Variants in KCNC2 observed in about 807,000 individuals in gnomAD.
KCNC2 encodes the protein potassium voltage-gated channel subfamily C member 2.
A neutral mutation model predicts 44.5 loss-of-function variants in KCNC2; 21 were observed. That is an observed-to-expected ratio of 0.47 (90% CI 0.33 to 0.68). The LOEUF (loss-of-function observed/expected upper bound fraction) is 0.68, where lower values mean the gene tolerates loss of function less well. KCNC2 is among the 30% of genes least tolerant of loss of function. The pLI, the probability that KCNC2 is intolerant of heterozygous loss-of-function variation, is 0.01. For synonymous variants in KCNC2, 391 were observed against 339.1 expected, an observed-to-expected ratio of 1.15 and a Z score of -1.68; for missense variants, 589 against 826.2, an observed-to-expected ratio of 0.71 and a Z score of 3.52.
intron 2 of KCNC2, among the ~76,000 whole-genome samples, chr12:75,104,582 C>G (rs148183449): frequency 6.6e-6 from 1 of 152,086 alleles, no homozygotes; most frequent in Non-Finnish European, 1.5e-5. Flanking sequence ...TACTTTAATT[C>G]TGAGCATGGT....
intron 2 of KCNC2, among the ~76,000 whole-genome samples, chr12:75,145,231 CA>C: frequency 6.6e-6 from 1 of 151,960 alleles, no homozygotes; most frequent in Non-Finnish European, 1.5e-5. Flanking sequence ...AAAAGTACCT[CA>C]AACAATTAAT....
intron 2 of KCNC2, among the ~76,000 whole-genome samples, chr12:75,059,850 T>G (rs1882131242): frequency 6.6e-6 from 1 of 152,120 alleles, no homozygotes; most frequent in South Asian, 2.1e-4. Context: ...TCTACAATAA[T>G]CATAAATATC....
At position 75,207,564 on chromosome 12, in the gene KCNC2, G is replaced by A. The variant is rs780319327; in HGVS notation, c.420C>T (p.Phe140=). ...CCACGTCGGTCTCGTCGATGCCCCA[G>A]AAGGCCAGCTCCTCCTCGAAGAGCG... ...CGPLFEEELA[F]WGIDETDVEP... Residue 140 remains phenylalanine, a synonymous_variant, in exon 2 of 5, where the codon TTC becomes TTT. Transcript: ENST00000549446. This position sits in a 1 kb window ranked among gnomAD's most constrained non-coding sequence, Gnocchi z 4.1. 6.2e-7 allele frequency: 1 copy of A among 1,612,208 alleles called. No individual in the cohort carries two copies. Among genetic ancestry groups the A allele is most frequent in the Admixed American group, 1.7e-5 (1 of 60,020 alleles).
chr12:75,060,837 T>C (rs1882246350), intron 2 of KCNC2, among the ~76,000 whole-genome samples: 1 of 152,100 alleles, frequency 6.6e-6, no homozygotes. Context: ...TTTTCTGATA[T>C]GAATATCACC....
At chr12:75,157,071 G>C (rs114236886) in intron 2 of KCNC2, among the ~76,000 whole-genome samples, 158 of 151,966 alleles carry the variant, frequency 1.0e-3, no homozygotes, top group African/African-American at 3.7e-3. Context: ...CTTACAAATA[G>C]TCATTCTCCC....
chr12:75,071,678 G>A (rs1208631873), intron 2 of KCNC2, among the ~76,000 whole-genome samples: 1 of 152,052 alleles, frequency 6.6e-6, no homozygotes, highest in African/African-American at 2.4e-5. Flanking sequence ...TTGGCCAGAC[G>A]CGGTGGCTCA....
intron 2 of KCNC2, among the ~76,000 whole-genome samples, chr12:75,128,768 C>T (rs141434933): frequency 3.9e-4 from 59 of 152,258 alleles, no homozygotes; most frequent in Admixed American, 7.8e-4. Context: ...TGGAGAAATG[C>T]ATACAATCAT....
At chr12:75,059,844 C>A (rs1390337316) in intron 2 of KCNC2, among the ~76,000 whole-genome samples, 1 of 152,028 alleles carries the variant, frequency 6.6e-6, no homozygotes, top group Non-Finnish European at 1.5e-5. Flanking sequence ...TAGAGATCTA[C>A]AATAATCATA....
chr12:75,159,423 C>G (rs1179444286), intron 2 of KCNC2, among the ~76,000 whole-genome samples: 1 of 151,782 alleles, frequency 6.6e-6, no homozygotes, highest in Non-Finnish European at 1.5e-5. Context: ...CTACTGCCAG[C>G]TTTGGAAACA....
intron 2 of KCNC2, among the ~76,000 whole-genome samples, chr12:75,055,012 G>A (rs1260700424): frequency 6.6e-6 from 1 of 152,138 alleles, no homozygotes; most frequent in East Asian, 1.9e-4. Context: ...TAAATATGAG[G>A]TTACATTGAA....
At chr12:75,080,759 G>C (rs1339557654) in intron 2 of KCNC2, among the ~76,000 whole-genome samples, 1 of 151,574 alleles carries the variant, frequency 6.6e-6, no homozygotes, top group African/African-American at 2.4e-5. Flanking sequence ...TTCTTTCCAC[G>C]TCATTCTCTC....
intron 2 of KCNC2, among the ~76,000 whole-genome samples, chr12:75,124,381 A>G (rs975089748): frequency 5.3e-5 from 8 of 152,232 alleles, no homozygotes; most frequent in African/African-American, 1.7e-4. Flanking sequence ...CAGGGATTTA[A>G]TGATATAAAA....
intron 2 of KCNC2, among the ~76,000 whole-genome samples, chr12:75,167,765 A>T (rs17114772): frequency 0.13 from 18,899 of 150,944 alleles, 1,363 homozygotes; most frequent in Middle Eastern, 0.27. Flanking sequence ...CAACCCAATA[A>T]TTTTTTTATT....
At chr12:75,072,574 T>G (rs2137041101) in intron 2 of KCNC2, among the ~76,000 whole-genome samples, 1 of 151,780 alleles carries the variant, frequency 6.6e-6, no homozygotes, top group African/African-American at 2.4e-5. Flanking sequence ...AGATATTAAA[T>G]ATTAGAATAT....
intron 2 of KCNC2, among the ~76,000 whole-genome samples, chr12:75,179,596 A>C (rs75894101): frequency 1 from 129,788 of 129,790 alleles, 64,893 homozygotes; most frequent in Middle Eastern, 1. Context: ...ATGAAGGCAT[A>C]AAAATGTGTT....
intron 2 of KCNC2, among the ~76,000 whole-genome samples, chr12:75,127,249 C>G (rs1046617583): frequency 5.9e-5 from 9 of 152,032 alleles, no homozygotes; most frequent in Non-Finnish European, 1.0e-4. Flanking sequence ...AAATTAAATT[C>G]AAGCAACATT....
intron 2 of KCNC2, among the ~76,000 whole-genome samples, chr12:75,166,738 GA>G (rs1245630036): frequency 2.0e-5 from 3 of 150,664 alleles, no homozygotes; most frequent in Non-Finnish European, 4.5e-5. Flanking sequence ...TGTTATAAAA[GA>G]AATTAGAAAA....
chr12:75,086,681 A>AATATATATATATAT (rs398044519), intron 2 of KCNC2, among the ~76,000 whole-genome samples: 1,863 of 53,162 alleles, frequency 0.035, 39 homozygotes, highest in Non-Finnish European at 0.051. Context: ...AAAAAAAAAA[A>AATATATATATATAT]ATATATATAT....
chr12:75,128,114 C>A (rs1888566313), intron 2 of KCNC2, among the ~76,000 whole-genome samples: 1 of 151,972 alleles, frequency 6.6e-6, no homozygotes, highest in African/African-American at 2.4e-5. Flanking sequence ...CAATGGAAAT[C>A]TATTATATTC....
Sources: gnomAD v4.1 joint callset for allele counts (sites outside exome capture counted in the v4.1 genomes callset) on GRCh38, gnomAD v4.1.1 for gene constraint, Gnocchi (gnomAD v3.1) non-coding constraint, MANE v1.5 for transcripts, NCBI Gene and HGNC (gene_info 2026-07-23, HGNC 2026-07-21) for gene names.